The following ADAMTS8 variants were observed in gnomAD, a reference collection of about 807,000 sequenced individuals.
ADAMTS8 encodes ADAM metallopeptidase with thrombospondin type 1 motif 8, also known as A disintegrin and metalloproteinase with thrombospondin motifs 8.
Under a neutral mutation model 64.4 loss-of-function variants are expected in ADAMTS8, and 50 were observed. The ratio of observed to expected loss-of-function variants is 0.78; its 90% CI spans 0.62 to 0.98. The LOEUF (loss-of-function observed/expected upper bound fraction) is 0.98, where lower values mean the gene tolerates loss of function less well. Among genes scored for constraint, ADAMTS8 ranks in the 50% least tolerant of loss-of-function variants. The pLI is 0.00. For missense variants in ADAMTS8, 1,192 were observed against 1,208.2 expected (o/e 0.99, Z 0.20); for synonymous variants, 556 against 533.6 (o/e 1.04, Z -0.58).
Position 130,427,872 on chromosome 11 carries a change from C to G in ADAMTS8, c.415G>C (p.Gly139Arg). The change falls in exon 1 of 9, where the codon GGC becomes CGC. Residue 139 changes from glycine (G) to arginine (R), a missense_variant. Coordinates refer to ENST00000257359, the MANE Select transcript of ADAMTS8 (RefSeq NM_007037.6). Reference protein sequence around the residue: ...DGEEFTIQPQGAGGSLAQPHR... With the variant: ...DGEEFTIQPQRAGGSLAQPHR... ...GGCTGAGCCAGGGAGCCCCCCGCGC[C>G]CTGCGGCTGGATGGTGAACTCCTCG... 6.5e-7 allele frequency: 1 copy of G among 1,535,212 alleles called. No homozygotes were observed. The highest frequency in any genetic ancestry group is 1.4e-5 in the African/African-American group (1 of 73,068).
At position 130,427,840 on chromosome 11, in the gene ADAMTS8, G is replaced by T. The variant is rs767446273; in HGVS notation, c.447C>A (p.Arg149=). The change falls in exon 1 of 9, where the codon CGC becomes CGA. Residue 149 remains arginine (R), a synonymous_variant. Coordinates refer to ENST00000257359, the MANE Select transcript of ADAMTS8 (RefSeq NM_007037.6). ...CTCCGGCGGGACCCCAGCGCTGCAGGCGGTGCGGCTGAGCCAGGGAGCCCC... is the reference window on the plus strand; with the variant it reads ...CTCCGGCGGGACCCCAGCGCTGCAGTCGGTGCGGCTGAGCCAGGGAGCCCC... ...GAGGSLAQPH[R]LQRWGPAGAR... 10 of 1,544,138 alleles carry T rather than the reference G, an allele frequency of 6.5e-6. No individual in the cohort carries two copies. Among genetic ancestry groups the T allele is most frequent in the African/African-American group, 1.4e-5 (1 of 73,140 alleles).
At chr11:130,415,915 T>G (rs1259795775) in intron 4 of ADAMTS8, among the ~76,000 whole-genome samples, 1 of 152,178 alleles carries the variant, frequency 6.6e-6, no homozygotes, top group East Asian at 1.9e-4. Flanking sequence ...CCCTCCTCCT[T>G]CAGACAACCT....
At chr11:130,421,440 A>C (rs1040258996) in intron 1 of ADAMTS8, among the ~76,000 whole-genome samples, 1 of 152,052 alleles carries the variant, frequency 6.6e-6, no homozygotes, top group Non-Finnish European at 1.5e-5. Flanking sequence ...CCGGCTTCAG[A>C]GCCATTTAGC....
Position 130,411,362 on chromosome 11 carries a change from C to A in ADAMTS8, c.1750+55G>T. Reference sequence around the variant, plus strand: ...CCACTTTACACATCCTCTGGGGATGCGTCATAGCAATGATAGTAGCTGCTC... The same window carrying A: ...CCACTTTACACATCCTCTGGGGATGAGTCATAGCAATGATAGTAGCTGCTC... On this transcript the variant is annotated intron_variant, in intron 6 of 8. Transcript: ENST00000257359. This position sits in a 1 kb window ranked among gnomAD's most constrained non-coding sequence, Gnocchi z 4.2. 6.4e-7 allele frequency: 1 copy of A among 1,571,196 alleles called. No homozygotes were observed. Among genetic ancestry groups the A allele is most frequent in the East Asian group, 2.2e-5 (1 of 44,636 alleles).
chr11:130,405,142 C>T lies in ADAMTS8; in HGVS notation c.*416G>A. ...CTGCTTTGACATTCACCATTGACTC[C>T]CTGCCCCACGCCTCTCTTGTACTAA... On this transcript the variant is annotated 3_prime_UTR_variant, in exon 9 of 9. Transcript: ENST00000257359. 1.0e-6 allele frequency: 1 copy of T among 996,982 alleles called. No homozygotes were observed. Among genetic ancestry groups the T allele is most frequent in the Non-Finnish European group, 1.2e-6 (1 of 837,374 alleles). The allele number at this position is 996,982 out of a possible 1,614,324, so 61.8% of individuals were successfully genotyped here.
chr11:130,405,725 G>T lies in ADAMTS8; in HGVS notation c.2503C>A (p.Gln835Lys). 6.2e-7 allele frequency: 1 copy of T among 1,614,204 alleles called. No homozygotes were observed. The highest frequency in any genetic ancestry group is 1.1e-5 in the South Asian group (1 of 91,090). The change falls in exon 9 of 9, where the codon CAG becomes AAG. Residue 835 changes from glutamine to lysine, a missense_variant. Transcript: ENST00000257359. ...TCAGACCAGTCCCCCAGCACCCACT[G>T]TGCGTGGAGCAGCGGCTGGATGATG... ...TNIIQPLLHA[Q>K]WVLGDWSECS...
At chr11:130,427,303 G>T (rs1211354290) in intron 1 of ADAMTS8, among the ~76,000 whole-genome samples, 1 of 152,112 alleles carries the variant, frequency 6.6e-6, no homozygotes, top group African/African-American at 2.4e-5. Context: ...AGGGATGGGC[G>T]TCGGCAGCCC....
At chr11:130,420,788 A>T (rs996122182) in intron 1 of ADAMTS8, among the ~76,000 whole-genome samples, 1 of 152,150 alleles carries the variant, frequency 6.6e-6, no homozygotes, top group African/African-American at 2.4e-5. Flanking sequence ...CATCTTATCA[A>T]CAAGGCTGAA....
In ADAMTS8 at chr11:130,405,487, C is replaced by G. The variant is rs1391038930; in HGVS notation, c.*71G>C. 2.0e-6 allele frequency: 3 copies of G among 1,516,316 alleles called. No individual in the cohort carries two copies. Among genetic ancestry groups the G allele is most frequent in the African/African-American group, 2.8e-5 (2 of 71,940 alleles). The allele number at this position is 1,516,316 out of a possible 1,614,324, so 93.9% of individuals were successfully genotyped here. ...ATATGGCCAAGGGACCCAGTCACCA[C>G]AGTGGAGACCCTTGTCTGCACCTCA... On this transcript the variant is annotated 3_prime_UTR_variant, in exon 9 of 9. Transcript: ENST00000257359.
intron 6 of ADAMTS8, among the ~76,000 whole-genome samples, chr11:130,409,805 T>C (rs912663814): frequency 6.6e-6 from 1 of 152,224 alleles, no homozygotes; most frequent in Non-Finnish European, 1.5e-5. Flanking sequence ...CTGTTCTTCC[T>C]GCCAAGGTTC....
In ADAMTS8 at chr11:130,405,676, C is replaced by A; in HGVS notation, c.2552G>T (p.Gly851Val). 1.9e-6 allele frequency: 3 copies of A among 1,614,052 alleles called. No homozygotes were observed. Among genetic ancestry groups the A allele is most frequent in the Non-Finnish European group, 2.5e-6 (3 of 1,179,962 alleles). ...GCACTCTACAGTTCGCCTCTGCCAG[C>A]CGGCCCCGCAGGTGCTAGAGCACTC... ...WSECSSTCGA[G>V]WQRRTVECRD... Residue 851 changes from glycine to valine, a missense_variant, in exon 9 of 9, where the codon GGC (glycine) becomes GTC (valine). Physicochemically the swap from Gly to Val is moderately radical, Grantham distance 109. Around this residue, in one of 5 missense-constraint regions of ADAMTS8, gnomAD observed 147 missense variants for 154.1 expected, o/e 0.95. Transcript: ENST00000257359.
chr11:130,422,629 G>A (rs1017441467), intron 1 of ADAMTS8, among the ~76,000 whole-genome samples: 1 of 152,254 alleles, frequency 6.6e-6, no homozygotes, highest in African/African-American at 2.4e-5. Context: ...GAGGAAAGAA[G>A]TGAGAGGAGA....
intron 4 of ADAMTS8, among the ~76,000 whole-genome samples, chr11:130,415,123 C>T (rs576082517): frequency 2.3e-4 from 35 of 152,348 alleles, no homozygotes; most frequent in Middle Eastern, 6.8e-3. Context: ...TCATCCATAT[C>T]ACAACCTAAC....
chr11:130,428,005 C>G lies in ADAMTS8; in HGVS notation c.282G>C (p.Glu94Asp), dbSNP rs775038068. The G allele has an allele frequency of 2.0e-6, 3 of 1,526,564 alleles. No homozygotes were observed. The South Asian group carries it at 3.6e-5, about 18-fold the overall frequency. The allele number at this position is 1,526,564 out of a possible 1,614,324, so 94.6% of individuals were successfully genotyped here. The change falls in exon 1 of 9, where the codon GAG becomes GAC. Residue 94 changes from glutamate (E) to aspartate (D), a missense_variant. Physicochemically the swap from Glu to Asp is conservative, Grantham distance 45 (BLOSUM62 2). Coordinates refer to ENST00000257359, the MANE Select transcript of ADAMTS8 (RefSeq NM_007037.6). The stretch of plus-strand genomic sequence containing the variant: ...AGAAGAAGCAGCCGCGCAGCCCCCG[C>G]TCGCCCCCGGTCGCCCGGCCGGAGC... Reference protein sequence around the residue: ...LGGSGRATGGERGLRGCFFSG... With the variant: ...LGGSGRATGGDRGLRGCFFSG...
chr11:130,416,020 G>T lies in ADAMTS8; in HGVS notation c.1264+143C>A. On this transcript the variant is annotated intron_variant, in intron 4 of 8. Coordinates refer to ENST00000257359, the MANE Select transcript of ADAMTS8 (RefSeq NM_007037.6). This position sits in a 1 kb window ranked among gnomAD's most constrained non-coding sequence, Gnocchi z 4.8. Reference sequence around the variant, plus strand: ...GCCAGAAGAGCAGACTTCGGGGGTGGTGTGAATGCCCCAGCGTGGGAGGCT... The same window carrying T: ...GCCAGAAGAGCAGACTTCGGGGGTGTTGTGAATGCCCCAGCGTGGGAGGCT... 1.0e-6 allele frequency: 1 copy of T among 955,824 alleles called. No individual in the cohort carries two copies. Among genetic ancestry groups the T allele is most frequent in the Non-Finnish European group, 1.5e-6 (1 of 669,294 alleles). The allele number at this position is 955,824 out of a possible 1,614,324, so 59.2% of individuals were successfully genotyped here.
chr11:130,410,123 C>G (rs1334721135), intron 6 of ADAMTS8, among the ~76,000 whole-genome samples: 1 of 152,198 alleles, frequency 6.6e-6, no homozygotes, highest in Non-Finnish European at 1.5e-5. Flanking sequence ...TCTCAGTCCT[C>G]CAGACTCTGC....
Position 130,428,217 on chromosome 11 carries a change from C to CCAGCGGCAG in ADAMTS8, c.61_69dup (p.Leu21_Leu23dup). 6 of 1,205,444 alleles carry CCAGCGGCAG rather than the reference C, an allele frequency of 5.0e-6. No homozygotes were observed. The highest frequency in any genetic ancestry group is 6.1e-6 in the Non-Finnish European group (6 of 980,376). 74.7% of individuals were successfully genotyped at this position (1,205,444 alleles called of 1,614,324 possible). A position where few individuals can be genotyped will look rare whatever the true frequency, so the allele number is the denominator to read the frequency against. ...GCGGGCCGGGCCGGGGCGCCGCGGG[C>CCAGCGGCAG]CAGCGGCAGCAGCAGCAGCAGCAGC... On this transcript the variant is annotated inframe_insertion, in exon 1 of 9. Coordinates refer to ENST00000257359, the MANE Select transcript of ADAMTS8 (RefSeq NM_007037.6).
At chr11:130,427,306 G>A (rs116932696) in intron 1 of ADAMTS8, among the ~76,000 whole-genome samples, 1 of 152,128 alleles carries the variant, frequency 6.6e-6, no homozygotes, top group African/African-American at 2.4e-5. Context: ...GATGGGCGTC[G>A]GCAGCCCCAC....
chr11:130,406,353 T>G (rs978365984), intron 8 of ADAMTS8, among the ~76,000 whole-genome samples: 1 of 152,220 alleles, frequency 6.6e-6, no homozygotes, highest in Non-Finnish European at 1.5e-5. Flanking sequence ...GGCAACTCTA[T>G]TTCAAAAGTG....
Sources: gnomAD v4.1 joint callset for allele counts (sites outside exome capture counted in the v4.1 genomes callset) on GRCh38, gnomAD v4.1.1 for gene constraint, gnomAD v4.1.1 regional missense constraint, Gnocchi (gnomAD v3.1) non-coding constraint, MANE v1.5 for transcripts, NCBI Gene and HGNC (gene_info 2026-07-23, HGNC 2026-07-21) for gene names.